Variants in CCDC3 observed in about 807,000 individuals in gnomAD.
CCDC3 encodes coiled-coil domain containing 3, also known as coiled-coil domain-containing protein 3.
Under a neutral mutation model 21.4 loss-of-function variants are expected in CCDC3, and 24 were observed. The ratio of observed to expected loss-of-function variants is 1.12; its 90% confidence interval spans 0.81 to 1.58. CCDC3 has a LOEUF of 1.58. CCDC3 is among the 40% of genes most tolerant of loss of function. The pLI is 0.00. For missense variants in CCDC3, 425 were observed against 360.9 expected (o/e 1.18, Z -1.44); for synonymous variants, 186 against 166.0 (o/e 1.12, Z -0.93).
intron 2 of CCDC3, among the ~76,000 whole-genome samples, chr10:12,921,835 T>G (rs773853091): frequency 2.0e-4 from 30 of 152,182 alleles, no homozygotes; most frequent in Non-Finnish European, 3.8e-4. Flanking sequence ...TCGAAACTTC[T>G]GGGCTCAAGT....
At chr10:13,048,338 C>CCT (rs1293871675) in intron 5 of CCDC3, among the ~76,000 whole-genome samples, 5 of 151,848 alleles carry the variant, frequency 3.3e-5, no homozygotes, top group African/African-American at 4.8e-5. Context: ...ACTACAGGTG[C>CCT]GCACCACCAC....
At position 12,994,421 on chromosome 10, in the gene CCDC3, A is replaced by AAAAAAAAC. The variant is rs1564313193; in HGVS notation, c.549+3916_549+3917insGTTTTTTT. 8.1e-5 allele frequency among the ~76,000 whole-genome samples: 12 copies of AAAAAAAAC among 148,440 alleles called. 1 individual carries two copies. The highest frequency in any genetic ancestry group is 2.9e-4 in the African/African-American group (11 of 38,082). On this transcript the variant is annotated intron_variant, in intron 2 of 2. Transcript: ENST00000378825. ...TCAAAAACAAAACAAAACAAAAAAAAAAAACACCCAGCACCCAGCACCCAG... is the reference window on the plus strand; with the variant it reads ...TCAAAAACAAAACAAAACAAAAAAAAAAAAAAACAAAACACCCAGCACCCAGCACCCAG...
intron 2 of CCDC3, among the ~76,000 whole-genome samples, chr10:12,961,288 C>A (rs1450077191): frequency 6.6e-6 from 1 of 152,184 alleles, no homozygotes; most frequent in Non-Finnish European, 1.5e-5. Flanking sequence ...AATCTAGCAT[C>A]CCAAGAGCCT....
intron 2 of CCDC3, among the ~76,000 whole-genome samples, chr10:12,989,971 G>A (rs12763563): frequency 0.23 from 35,093 of 151,752 alleles, 4,144 homozygotes; most frequent in Admixed American, 0.3. Context: ...ATCTTCACTG[G>A]GCCGGGCACA....
At chr10:12,992,185 T>C (rs1048785625) in intron 2 of CCDC3, among the ~76,000 whole-genome samples, 1 of 151,678 alleles carries the variant, frequency 6.6e-6, no homozygotes, top group African/African-American at 2.4e-5. Context: ...AGGTCATGAG[T>C]TTGAGACCAG....
chr10:12,980,893 G>A (rs552900045), intron 2 of CCDC3, among the ~76,000 whole-genome samples: 29 of 152,090 alleles, frequency 1.9e-4, no homozygotes, highest in Non-Finnish European at 3.8e-4. Context: ...CAAGACTCTC[G>A]GCACACTTTC....
intron 5 of CCDC3, among the ~76,000 whole-genome samples, chr10:13,028,642 AT>A (rs1221326875): frequency 2.0e-5 from 3 of 152,218 alleles, no homozygotes; most frequent in African/African-American, 7.2e-5. Flanking sequence ...GAAAAATGGT[AT>A]TGGAGTGAAT....
At chr10:12,962,790 AC>A (rs1835199920) in intron 2 of CCDC3, among the ~76,000 whole-genome samples, 1 of 152,330 alleles carries the variant, frequency 6.6e-6, no homozygotes, top group African/African-American at 2.4e-5. Context: ...TTCAGAATAC[AC>A]AAGAGTAAAG....
intron 4 of CCDC3, among the ~76,000 whole-genome samples, chr10:13,062,586 T>C (rs1836770666): frequency 6.6e-6 from 1 of 152,180 alleles, no homozygotes; most frequent in Admixed American, 6.5e-5. Context: ...CAAGACTCTG[T>C]CTTGTTCTAA....
chr10:12,985,987 T>C (rs1024490651), intron 2 of CCDC3, among the ~76,000 whole-genome samples: 3 of 152,234 alleles, frequency 2.0e-5, no homozygotes, highest in Non-Finnish European at 4.4e-5. Flanking sequence ...GCCATTCTCC[T>C]GCCTCAGTCT....
intron 5 of CCDC3, among the ~76,000 whole-genome samples, chr10:13,038,345 A>C (rs1462930806): frequency 2.1e-5 from 3 of 145,632 alleles, no homozygotes; most frequent in Non-Finnish European, 4.5e-5. Context: ...CATCCTGCAC[A>C]TGTACCCTGG....
intron 2 of CCDC3, among the ~76,000 whole-genome samples, chr10:12,947,489 T>C (rs1035214450): frequency 2.6e-5 from 4 of 152,212 alleles, no homozygotes; most frequent in Non-Finnish European, 4.4e-5. Flanking sequence ...GCTTCCACCA[T>C]GTGCCAGAGT....
In CCDC3 at chr10:13,083,661, T is replaced by C. The variant is rs865876402; in HGVS notation, c.-502-9561A>G. Among the ~76,000 whole-genome samples, 11 of 152,388 alleles carry C rather than the reference T, an allele frequency of 7.2e-5. 1 individual carries two copies. The South Asian group carries it at 8.3e-4, about 11-fold the overall frequency. On this transcript the variant is annotated intron_variant, in intron 3 of 6. Coordinates refer to the CCDC3 transcript ENST00000378839. ...TATGCCCCTTCCTTATTTGGGAATG[T>C]TATTACTTTTCTAAGTCCTTTCGTA... is the stretch of plus-strand genomic sequence containing the variant.
chr10:12,951,786 C>T (rs1487283449), intron 2 of CCDC3, among the ~76,000 whole-genome samples: 1 of 101,364 alleles, frequency 9.9e-6, no homozygotes, highest in African/African-American at 4.1e-5. Context: ...GCCTGGACAA[C>T]AGAGTGAGAC....
In CCDC3 at chr10:12,985,524, C is replaced by T. The variant is rs77198557; in HGVS notation, c.549+12814G>A. Among the ~76,000 whole-genome samples, 990 of 152,226 alleles carry T rather than the reference C, an allele frequency of 6.5e-3. 11 individuals are homozygous for T. Among genetic ancestry groups the T allele is most frequent in the African/African-American group, 0.023 (943 of 41,536 alleles). On this transcript the variant is annotated intron_variant, in intron 2 of 2. Transcript: ENST00000378825. ...GTAATAGCTAAAAACTGAAAGTTAC[C>T]GTAATGTCTTTCAGTAGGCAACTCG... is the stretch of plus-strand genomic sequence containing the variant.
chr10:12,956,026 G>T (rs1308718560), intron 2 of CCDC3, among the ~76,000 whole-genome samples: 1 of 151,944 alleles, frequency 6.6e-6, no homozygotes, highest in Non-Finnish European at 1.5e-5. Context: ...TTTTTTAAGA[G>T]ATAAGATCTC....
rs1832676408 is a variant in CCDC3, at chr10:13,099,083, C to T, written c.-581+1G>A. On this transcript the variant is annotated splice_donor_variant, in intron 2 of 6. Transcript: ENST00000378839. LOFTEE classifies it low-confidence loss of function (5UTR_SPLICE). ...CTCCCCACTCCCACCCCCAGGCTCA[C>T]TCCTTATAAAGCAGCCTCTAGCCTC... 6.6e-6 allele frequency: 1 copy of T among 152,254 alleles called. No homozygotes were observed. The highest frequency in any genetic ancestry group is 2.4e-5 in the African/African-American group (1 of 41,434). The allele number at this position is 152,254 out of a possible 1,614,324, so 9.4% of individuals were successfully genotyped here. A position where few individuals can be genotyped will look rare whatever the true frequency, so the allele number is the denominator to read the frequency against.
chr10:12,918,171 C>T (rs1040438745), intron 2 of CCDC3, among the ~76,000 whole-genome samples: 4 of 152,150 alleles, frequency 2.6e-5, no homozygotes, highest in Admixed American at 1.3e-4. Flanking sequence ...AAGGTCTGAT[C>T]GGACCCACCT....
At position 12,898,493 on chromosome 10, in the gene CCDC3, T is replaced by C. The variant is rs756883939; in HGVS notation, c.736A>G (p.Ser246Gly). The change falls in exon 3 of 3, where the codon AGT becomes GGT. Residue 246 changes from serine to glycine, a missense_variant. Coordinates refer to ENST00000378825, the MANE Select transcript of CCDC3 (RefSeq NM_031455.4). Reference sequence around the variant, plus strand: ...AGCGCGCCCGCCGCCAGCTTCTCACTGAGTTTCTGGTTCGCCAGCTCCAGG... The same window carrying C: ...AGCGCGCCCGCCGCCAGCTTCTCACCGAGTTTCTGGTTCGCCAGCTCCAGG... The part of the protein sequence containing the change: ...RHLELANQKL[S>G]EKLAAGALPH... 21 of 1,614,032 alleles carry C rather than the reference T, an allele frequency of 1.3e-5. No individual in the cohort carries two copies. The South Asian group carries it at 2.0e-4, about 15-fold the overall frequency.
Sources: gnomAD v4.1 joint callset for allele counts (sites outside exome capture counted in the v4.1 genomes callset) on GRCh38, gnomAD v4.1.1 for gene constraint, MANE v1.5 for transcripts, NCBI Gene and HGNC (gene_info 2026-07-23, HGNC 2026-07-21) for gene names.